Variants in MPPED1 observed in about 807,000 individuals in gnomAD.
The protein encoded by MPPED1 is metallophosphoesterase domain containing 1, also known as metallophosphoesterase domain-containing protein 1.
A neutral mutation model predicts 36.2 loss-of-function variants in MPPED1; 16 were observed. That is an observed-to-expected ratio of 0.44 (90% CI 0.30 to 0.67). The LOEUF is 0.67. MPPED1 is among the 30% of genes least tolerant of loss of function. The probability of loss-of-function intolerance (pLI) is 0.10; values close to 1 mark genes in which losing one functional copy is unlikely to be tolerated. For synonymous variants in MPPED1, 199 were observed against 191.3 expected, an observed-to-expected ratio of 1.04 and a Z score of -0.33; for missense variants, 307 against 453.4, an observed-to-expected ratio of 0.68 and a Z score of 2.93.
chr22:43,425,510 C>G (rs942904082), intron 2 of MPPED1, among the ~76,000 whole-genome samples: 3 of 152,232 alleles, frequency 2.0e-5, no homozygotes, highest in African/African-American at 7.2e-5. Context: ...TCTGGCTTCA[C>G]TTTATAAAAC....
chr22:43,465,047 A>C (rs1931116171), intron 3 of MPPED1, among the ~76,000 whole-genome samples: 1 of 152,190 alleles, frequency 6.6e-6, no homozygotes, highest in Non-Finnish European at 1.5e-5. Flanking sequence ...GTCTCAGAGA[A>C]TTGAAAGAGC....
intron 4 of MPPED1, among the ~76,000 whole-genome samples, chr22:43,476,998 A>G (rs1052164905): frequency 2.0e-5 from 3 of 152,170 alleles, no homozygotes; most frequent in Non-Finnish European, 4.4e-5. Context: ...GAGTGGGAGA[A>G]GCCGAAGGAC....
At chr22:43,431,178 A>C (rs1277755961) in intron 2 of MPPED1, among the ~76,000 whole-genome samples, 1 of 151,380 alleles carries the variant, frequency 6.6e-6, no homozygotes, top group Non-Finnish European at 1.5e-5. Flanking sequence ...AGTAGCTGAC[A>C]CTACAGGCGC....
At chr22:43,447,276 C>G (rs1293088289) in intron 3 of MPPED1, among the ~76,000 whole-genome samples, 1 of 152,164 alleles carries the variant, frequency 6.6e-6, no homozygotes, top group Admixed American at 6.5e-5. Flanking sequence ...CATGCTTTTT[C>G]TCTCTTTTCA....
At chr22:43,437,487 C>A (rs1263516138) in intron 3 of MPPED1, among the ~76,000 whole-genome samples, 2 of 152,158 alleles carry the variant, frequency 1.3e-5, no homozygotes, top group South Asian at 2.1e-4. Context: ...GGCAGTGGGA[C>A]CCCAGTGCTG....
At chr22:43,467,073 A>C (rs1473485494) in intron 3 of MPPED1, among the ~76,000 whole-genome samples, 1 of 152,220 alleles carries the variant, frequency 6.6e-6, no homozygotes, top group African/African-American at 2.4e-5. Flanking sequence ...GATCATTGCA[A>C]GAACTCTGTG....
At chr22:43,463,217 A>G (rs1436683761) in intron 3 of MPPED1, among the ~76,000 whole-genome samples, 2 of 151,818 alleles carry the variant, frequency 1.3e-5, no homozygotes, top group African/African-American at 4.8e-5. Context: ...TTAATGGAAA[A>G]ATTTTGTCCT....
chr22:43,500,200 TAATGGA>T (rs1423269143), intron 5 of MPPED1, among the ~76,000 whole-genome samples: 20 of 48,778 alleles, frequency 4.1e-4, no homozygotes, highest in Admixed American at 4.9e-4. Flanking sequence ...ATGGAGGTGG[TAATGGA>T]GGTGGTGGGG....
At chr22:43,486,881 G>A (rs985300996) in intron 4 of MPPED1, among the ~76,000 whole-genome samples, 3 of 152,098 alleles carry the variant, frequency 2.0e-5, no homozygotes, top group African/African-American at 7.2e-5. Context: ...CATGGGAGAG[G>A]GAGAGAGAAT....
intron 4 of MPPED1, among the ~76,000 whole-genome samples, chr22:43,497,952 T>TATATATATATATATATA (rs1602022301): frequency 2.7e-5 from 2 of 73,720 alleles, no homozygotes; most frequent in African/African-American, 2.8e-4. Flanking sequence ...TATATATGTA[T>TATATATATATATATATA]TTAGCTTTCT....
chr22:43,444,279 GGTGTGTGTGTGTGTGTGTGTGTGT>G (rs35340638), intron 3 of MPPED1, among the ~76,000 whole-genome samples: 2 of 141,934 alleles, frequency 1.4e-5, no homozygotes, highest in Admixed American at 7.1e-5. Flanking sequence ...GACCCACTGG[GGTGTGTGTGTGTGTGTGTGTGTGT>G]GTGTGTGTGT....
chr22:43,476,760 G>A (rs1273616879), intron 4 of MPPED1, among the ~76,000 whole-genome samples: 1 of 152,094 alleles, frequency 6.6e-6, no homozygotes, highest in Non-Finnish European at 1.5e-5. Flanking sequence ...CAGCCAGTGA[G>A]GTCCCAGACA....
chr22:43,477,744 C>T (rs1931621850), intron 4 of MPPED1, among the ~76,000 whole-genome samples: 2 of 152,250 alleles, frequency 1.3e-5, no homozygotes, highest in African/African-American at 2.4e-5. Context: ...ACCCTCCCTG[C>T]AGCCAGTGAG....
chr22:43,504,141 T>C (rs1316634719), intron 6 of MPPED1, among the ~76,000 whole-genome samples: 3 of 150,624 alleles, frequency 2.0e-5, no homozygotes, highest in Admixed American at 2.0e-4. Context: ...ATAGTAATAA[T>C]GTCAATGATG....
chr22:43,429,423 C>T (rs772069982), intron 2 of MPPED1, among the ~76,000 whole-genome samples: 6 of 152,234 alleles, frequency 3.9e-5, no homozygotes, highest in Non-Finnish European at 8.8e-5. Context: ...GTGGCTGCTT[C>T]CAGTTTCTCA....
chr22:43,445,136 C>T (rs1930292158), intron 3 of MPPED1, among the ~76,000 whole-genome samples: 1 of 152,212 alleles, frequency 6.6e-6, no homozygotes, highest in African/African-American at 2.4e-5. Flanking sequence ...GCATGTTTGA[C>T]ATCCATCTCA....
intron 4 of MPPED1, among the ~76,000 whole-genome samples, chr22:43,496,514 A>G (rs1478800369): frequency 7.8e-4 from 10 of 12,792 alleles, no homozygotes; most frequent in Admixed American, 1.7e-3. Context: ...GGTGGTGGAG[A>G]TGGTGGTGGA....
At chr22:43,445,899 T>TC (rs1491058413) in intron 3 of MPPED1, among the ~76,000 whole-genome samples, 1 of 125,884 alleles carries the variant, frequency 7.9e-6, no homozygotes, top group East Asian at 2.3e-4. Flanking sequence ...TTTTTTTTTT[T>TC]TGAGACAGGG....
intron 4 of MPPED1, among the ~76,000 whole-genome samples, chr22:43,491,964 G>A (rs989106969): frequency 2.0e-5 from 3 of 150,748 alleles, no homozygotes; most frequent in African/African-American, 7.3e-5. Context: ...GGTGATGGAG[G>A]TGGTGGTAAT....
Sources: allele counts gnomAD v4.1 joint callset (sites outside exome capture counted in the v4.1 genomes callset), GRCh38; gene constraint gnomAD v4.1.1; transcripts MANE v1.5; gene names NCBI Gene and HGNC (gene_info 2026-07-23, HGNC 2026-07-21).